MMAA: variants seen among roughly 807,000 people sequenced by gnomAD.
The protein encoded by MMAA is metabolism of cobalamin associated A.
In MMAA, 41 loss-of-function variants were observed where a neutral mutation model predicts 45.0. The observed-to-expected ratio is 0.91, with a 90% CI of 0.71 to 1.18. The LOEUF is 1.18. Among genes scored for constraint, MMAA ranks in the 50% most tolerant of loss-of-function variants. The pLI is 0.00. For synonymous variants in MMAA, 154 were observed against 178.2 expected, an observed-to-expected ratio of 0.86 and a Z score of 1.08; for missense variants, 460 against 495.7, an observed-to-expected ratio of 0.93 and a Z score of 0.68.
chr4:145,642,313 G>A (rs776877216), intron 2 of MMAA, 50 bp from the exon 3 acceptor site: 15 of 1,606,214 alleles, frequency 9.3e-6, no homozygotes, highest in Non-Finnish European at 9.4e-6. Flanking sequence ...ACTGATCGTA[G>A]TTCTGATTTC....
intron 1 of MMAA, among the ~76,000 whole-genome samples, chr4:145,634,048 A>G (rs1465788836): frequency 6.6e-6 from 1 of 152,220 alleles, no homozygotes; most frequent in African/African-American, 2.4e-5. Flanking sequence ...CCAAAGGCCC[A>G]CTGTAACTAC....
At chr4:145,641,559 T>C (rs142277468) in intron 2 of MMAA, among the ~76,000 whole-genome samples, 362 of 152,342 alleles carry the variant, frequency 2.4e-3, no homozygotes, top group African/African-American at 8.5e-3. Context: ...CATACACTTA[T>C]ATGTCTCTTA....
intron 2 of MMAA, among the ~76,000 whole-genome samples, chr4:145,640,636 T>A (rs1344051370): frequency 2.0e-5 from 3 of 152,232 alleles, no homozygotes; most frequent in Non-Finnish European, 2.9e-5. Context: ...ACTACAGGCA[T>A]GGGCTACCAT....
chr4:145,641,204 G>A (rs1056960970), intron 2 of MMAA, among the ~76,000 whole-genome samples: 9 of 152,178 alleles, frequency 5.9e-5, no homozygotes, highest in African/African-American at 2.2e-4. Flanking sequence ...CTCCCGCAGA[G>A]AAATTCTAGG....
At chr4:145,622,750 T>C (rs1325181895) in intron 1 of MMAA, among the ~76,000 whole-genome samples, 2 of 152,236 alleles carry the variant, frequency 1.3e-5, no homozygotes, top group Non-Finnish European at 2.9e-5. Flanking sequence ...ACTACAGAGT[T>C]AGCTGCAACT....
intron 5 of MMAA, among the ~76,000 whole-genome samples, chr4:145,652,075 A>T (rs1728108445): frequency 6.6e-6 from 1 of 152,136 alleles, no homozygotes; most frequent in South Asian, 2.1e-4. Flanking sequence ...GGAAAGCACT[A>T]TATTACAATT....
intron 1 of MMAA, among the ~76,000 whole-genome samples, chr4:145,628,898 A>G (rs898120529): frequency 6.6e-6 from 1 of 152,174 alleles, no homozygotes; most frequent in African/African-American, 2.4e-5. Flanking sequence ...GTGTGTGTGT[A>G]TATGGGGAGG....
chr4:145,626,222 C>G (rs1002800466), intron 1 of MMAA, among the ~76,000 whole-genome samples: 5 of 152,162 alleles, frequency 3.3e-5, no homozygotes, highest in African/African-American at 1.2e-4. Context: ...GGAAATAATC[C>G]TTCTCTCTAC....
intron 2 of MMAA, 74 bp from the exon 3 acceptor site, chr4:145,642,289 T>G: frequency 2.6e-6 from 4 of 1,521,172 alleles, no homozygotes; most frequent in Non-Finnish European, 3.6e-6. Context: ...TAGTCTAATA[T>G]TTTACTCAGT....
Position 145,655,611 on chromosome 4 carries a change from A to G in MMAA, c.*177A>G, listed in dbSNP as rs572996882. 1.2e-4 allele frequency: 69 copies of G among 599,038 alleles called. 1 individual carries two copies. The Admixed American group carries it at 1.6e-3, about 14-fold the overall frequency. The allele number at this position is 599,038 out of a possible 1,614,324, so 37.1% of individuals were successfully genotyped here. A position where few individuals can be genotyped will look rare whatever the true frequency, so the allele number is the denominator to read the frequency against. On this transcript the variant is annotated 3_prime_UTR_variant, in exon 7 of 7. Coordinates refer to ENST00000649156, the MANE Select transcript of MMAA (RefSeq NM_172250.3). ...ATATGAATGGCAAAAGTTAGGCAGT[A>G]TTTATAAGGTACCTGTTTTATGTTA...
intron 1 of MMAA, among the ~76,000 whole-genome samples, chr4:145,632,277 A>G (rs1420087063): frequency 1.3e-5 from 2 of 152,170 alleles, no homozygotes; most frequent in Admixed American, 6.5e-5. Context: ...ATACTATTCT[A>G]GTGTACATTT....
At chr4:145,637,111 A>C (rs536453240) in intron 1 of MMAA, among the ~76,000 whole-genome samples, 13 of 152,338 alleles carry the variant, frequency 8.5e-5, no homozygotes, top group African/African-American at 2.9e-4. Context: ...TACCATTGCT[A>C]TAGTCACCAT....
At chr4:145,623,909 G>A (rs1320897341) in intron 1 of MMAA, among the ~76,000 whole-genome samples, 1 of 152,244 alleles carries the variant, frequency 6.6e-6, no homozygotes, top group Non-Finnish European at 1.5e-5. Flanking sequence ...CATTTCTGGT[G>A]TGGGGGTGAA....
chr4:145,638,196 T>C lies in MMAA; in HGVS notation c.-65-879T>C, dbSNP rs902420858. On this transcript the variant is annotated intron_variant, in intron 1 of 6. Coordinates refer to ENST00000649156, the MANE Select transcript of MMAA (RefSeq NM_172250.3). The stretch of plus-strand genomic sequence containing the variant: ...CGTCCTGGCTAACACAGTGAAACCC[T>C]GTCTCTACTAAAAATACAAAAAATT... 5.9e-5 allele frequency among the ~76,000 whole-genome samples: 9 copies of C among 152,178 alleles called. No homozygotes were observed. In the East Asian group the frequency reaches 1.5e-3, roughly 26 times the overall value.
chr4:145,646,897 A>C (rs1326515021), intron 4 of MMAA, among the ~76,000 whole-genome samples: 3 of 152,216 alleles, frequency 2.0e-5, no homozygotes, highest in African/African-American at 7.2e-5. Context: ...CAGTTGGAGC[A>C]GTAGGCCAGG....
chr4:145,637,999 C>T (rs1727665532), intron 1 of MMAA, among the ~76,000 whole-genome samples: 1 of 152,172 alleles, frequency 6.6e-6, no homozygotes, highest in South Asian at 2.1e-4. Flanking sequence ...CTCTGCACTG[C>T]CCTGACTCGG....
chr4:145,654,191 CA>C (rs1454886617), intron 6 of MMAA, 48 bp downstream of exon 6: 2 of 1,605,206 alleles, frequency 1.2e-6, no homozygotes, highest in African/African-American at 2.7e-5. Flanking sequence ...GGATTGTGTA[CA>C]TTAGAAGACA....
At position 145,639,508 on chromosome 4, in the gene MMAA, T is replaced by G. The variant is rs1418638749; in HGVS notation, c.369T>G (p.Leu123=). 3 of 1,613,916 alleles carry G rather than the reference T, an allele frequency of 1.9e-6. No homozygotes were observed. Among genetic ancestry groups the G allele is most frequent in the Admixed American group, 1.7e-5 (1 of 59,992 alleles). The part of the protein sequence containing the change: ...SRKKELAQVL[L]QKVLLYHREQ... Reference sequence around the variant, plus strand: ...AAAAGGAGTTAGCCCAGGTGCTTCTTCAGAAAGTATTACTTTACCACAGAG... The same window carrying G: ...AAAAGGAGTTAGCCCAGGTGCTTCTGCAGAAAGTATTACTTTACCACAGAG... Residue 123 remains leucine, a synonymous_variant, in exon 2 of 7, where the codon CTT becomes CTG. Coordinates refer to ENST00000649156, the MANE Select transcript of MMAA (RefSeq NM_172250.3).
At chr4:145,648,707 G>A (rs974536221) in intron 4 of MMAA, among the ~76,000 whole-genome samples, 1 of 152,148 alleles carries the variant, frequency 6.6e-6, no homozygotes, top group Non-Finnish European at 1.5e-5. Context: ...GACCTAGAGC[G>A]GGCATTGTGG....
Sources: allele counts gnomAD v4.1 joint callset (sites outside exome capture counted in the v4.1 genomes callset), GRCh38; gene constraint gnomAD v4.1.1; transcripts MANE v1.5; gene names NCBI Gene and HGNC (gene_info 2026-07-23, HGNC 2026-07-21).